Variants in HIPK3 observed in about 807,000 individuals in gnomAD.
HIPK3 encodes homeodomain-interacting protein kinase 3.
HIPK3 carries 47 observed loss-of-function variants against 124.2 expected under a neutral mutation model. The observed-to-expected ratio is 0.38, with a 90% CI of 0.30 to 0.48. The LOEUF is 0.48. Ranked by LOEUF, HIPK3 falls within the 20% of genes least tolerant of loss-of-function variation. The probability of loss-of-function intolerance (pLI) is 0.98; values close to 1 mark genes in which losing one functional copy is unlikely to be tolerated. For synonymous variants in HIPK3, 482 were observed against 515.2 expected (o/e 0.94, Z 0.87); for missense variants, 1,286 against 1,454.3 (o/e 0.88, Z 1.88).
intron 2 of HIPK3, among the ~76,000 whole-genome samples, chr11:33,288,824 C>T (rs1431138017): frequency 6.6e-6 from 1 of 151,898 alleles, no homozygotes; most frequent in African/African-American, 2.4e-5. Context: ...TTTGCTAAGC[C>T]CTACGAGGTC....
intron 13 of HIPK3, 53 bp downstream of exon 13, chr11:33,348,871 G>A: frequency 1.3e-6 from 2 of 1,505,404 alleles, no homozygotes; most frequent in South Asian, 1.3e-5. Flanking sequence ...CCTTTGGTGT[G>A]CCGAAAAACA....
chr11:33,348,732 C>T lies in HIPK3; in HGVS notation c.2580C>T (p.Ala860=), dbSNP rs149933512. Residue 860 remains alanine (A), a synonymous_variant, in exon 13 of 17, where the codon GCC becomes GCT. Coordinates refer to ENST00000303296, the MANE Select transcript of HIPK3 (RefSeq NM_005734.5). ...SDKQRQTIII[A]DSPSPAVSVI... is the part of the protein sequence containing the mutation. ...AACAGCGGCAAACCATCATTATTGCCGACTCCCCGAGTCCTGCAGTGAGTG... is the reference window on the plus strand; with the variant it reads ...AACAGCGGCAAACCATCATTATTGCTGACTCCCCGAGTCCTGCAGTGAGTG... 120 of 1,613,954 alleles carry T rather than the reference C, an allele frequency of 7.4e-5. No individual in the cohort carries two copies. Among genetic ancestry groups the T allele is most frequent in the Non-Finnish European group, 8.5e-5 (100 of 1,179,976 alleles).
intron 2 of HIPK3, among the ~76,000 whole-genome samples, chr11:33,289,995 C>T (rs984773549): frequency 2.6e-5 from 4 of 152,158 alleles, no homozygotes; most frequent in Admixed American, 2.6e-4. Flanking sequence ...TTGACAGGAT[C>T]TCATTCTTTG....
At chr11:33,266,208 T>G (rs1184734811) in intron 1 of HIPK3, among the ~76,000 whole-genome samples, 3 of 151,912 alleles carry the variant, frequency 2.0e-5, no homozygotes, top group Non-Finnish European at 2.9e-5. Flanking sequence ...AGCTGAATAC[T>G]GTAAATTTTC....
chr11:33,339,582 C>A, intron 6 of HIPK3, 48 bp downstream of exon 6: 1 of 1,331,142 alleles, frequency 7.5e-7, no homozygotes, highest in Non-Finnish European at 1.0e-6. Flanking sequence ...AAAAATAAGT[C>A]TGTAGAAAAT....
intron 1 of HIPK3, among the ~76,000 whole-genome samples, chr11:33,268,962 A>T (rs1851049614): frequency 6.6e-6 from 1 of 152,306 alleles, no homozygotes; most frequent in Non-Finnish European, 1.5e-5. Context: ...AAAATATGAA[A>T]TCGTATCTGA....
In HIPK3 at chr11:33,337,146, A is replaced by AT. The variant is rs761758734; in HGVS notation, c.1300dup (p.Cys434LeufsTer20). ...TAAATGTGGGTACTAAATCCACAAG[A>AT]TTTTTTTGCAAAGAAACAGATATGT... On this transcript the variant is annotated frameshift_variant, in exon 4 of 17. Coordinates refer to ENST00000303296, the MANE Select transcript of HIPK3 (RefSeq NM_005734.5). LOFTEE classifies it high-confidence loss of function. 6 of 1,578,322 alleles carry AT rather than the reference A, an allele frequency of 3.8e-6. No homozygotes were observed. The highest frequency in any genetic ancestry group is 2.2e-5 in the East Asian group (1 of 44,538).
chr11:33,348,007 A>T lies in HIPK3; in HGVS notation c.2300A>T (p.Gln767Leu), dbSNP rs143841994. 29 of 1,614,096 alleles carry T rather than the reference A, an allele frequency of 1.8e-5. No individual in the cohort carries two copies. The African/African-American group carries it at 3.5e-4, about 19-fold the overall frequency. ...PATTKKNKQC[Q>L]NRGILVKLME... ...ACTACCAAGAAAAATAAACAGTGCC[A>T]GAACAGGTTGGTATTGGTGCTTTAG... The change falls in exon 11 of 17, where the codon CAG becomes CTG. Residue 767 changes from glutamine (Q) to leucine (L), a missense_variant. This residue lies in a region of HIPK3 where 810 missense variants were observed against 864.9 expected (regional missense o/e 0.94). Transcript: ENST00000303296.
chr11:33,307,342 A>G (rs529633635), intron 2 of HIPK3, among the ~76,000 whole-genome samples: 148 of 151,962 alleles, frequency 9.7e-4, no homozygotes, highest in African/African-American at 3.5e-3. Context: ...ATATGAACAC[A>G]CTTATATAAC....
intron 15 of HIPK3, 52 bp from the exon 16 acceptor site, chr11:33,352,086 T>C: frequency 3.2e-6 from 5 of 1,544,442 alleles, no homozygotes; most frequent in Non-Finnish European, 4.4e-6. Flanking sequence ...TTGCTAATTT[T>C]TTATTTGAAA....
At chr11:33,297,345 T>G (rs956525126) in intron 2 of HIPK3, among the ~76,000 whole-genome samples, 2 of 152,172 alleles carry the variant, frequency 1.3e-5, no homozygotes, top group Non-Finnish European at 2.9e-5. Context: ...CCACCCAACT[T>G]GGCCTCCCAG....
rs141134668 is a variant in HIPK3 at position 33,351,997 on chromosome 11, T to C, written c.3044-141T>C. On this transcript the variant is annotated intron_variant, in intron 15 of 16. Coordinates refer to ENST00000303296, the MANE Select transcript of HIPK3 (RefSeq NM_005734.5). The stretch of plus-strand genomic sequence containing the variant: ...GAAATCTTCTAGTATTATCCAGTGC[T>C]TGGAAACCATGACCTCTCCTTTGAT... 2.7e-3 allele frequency: 2,762 copies of C among 1,027,292 alleles called. 43 individuals carry two copies. In the African/African-American group the frequency reaches 0.039, roughly 14 times the overall value. The allele number at this position is 1,027,292 out of a possible 1,614,324, so 63.6% of individuals were successfully genotyped here. A position where few individuals can be genotyped will look rare whatever the true frequency, so the allele number is the denominator to read the frequency against.
rs369151270 is a variant in HIPK3 at position 33,286,957 on chromosome 11, C to T, written c.543C>T (p.Asp181=). 6 of 1,613,992 alleles carry T rather than the reference C, an allele frequency of 3.7e-6. No homozygotes were observed. The highest frequency in any genetic ancestry group is 1.3e-5 in the African/African-American group (1 of 74,910). The change falls in exon 2 of 17, where the codon GAC becomes GAT. Residue 181 remains aspartate, a synonymous_variant. Transcript: ENST00000303296. The stretch of plus-strand genomic sequence containing the variant: ...AGAATTGTACCACTGGAGAAGGTGA[C>T]TATCAGTTAGTACAGCATGAAGTCT... ...SKQNCTTGEG[D]YQLVQHEVLC... is the part of the protein sequence containing the mutation.
intron 15 of HIPK3, 86 bp from the exon 16 acceptor site, chr11:33,352,052 T>G (rs1853677849): frequency 7.5e-7 from 1 of 1,333,482 alleles, no homozygotes; most frequent in South Asian, 1.3e-5. Flanking sequence ...CTCAAATCAC[T>G]ATTGTGTAAA....
chr11:33,281,841 C>T (rs1042754773), intron 1 of HIPK3, among the ~76,000 whole-genome samples: 8 of 151,950 alleles, frequency 5.3e-5, no homozygotes, highest in Admixed American at 2.0e-4. Context: ...CTGTTTAGTA[C>T]CTTTTGATGG....
chr11:33,292,646 T>C (rs1851728887), intron 2 of HIPK3, among the ~76,000 whole-genome samples: 1 of 152,350 alleles, frequency 6.6e-6, no homozygotes, highest in East Asian at 1.9e-4. Flanking sequence ...TTGTATATCA[T>C]AAAGTAGTTG....
intron 2 of HIPK3, among the ~76,000 whole-genome samples, chr11:33,305,091 G>C (rs2025012): frequency 0.66 from 99,786 of 151,148 alleles, 32,957 homozygotes; most frequent in Non-Finnish European, 0.71. Flanking sequence ...GCCTCTGCCC[G>C]CCGAGTTCAG....
intron 2 of HIPK3, among the ~76,000 whole-genome samples, chr11:33,318,504 G>GT (rs1196987579): frequency 8.5e-5 from 13 of 152,130 alleles, no homozygotes; most frequent in African/African-American, 3.1e-4. Context: ...CCCTTTGTCT[G>GT]TTTCTTCATC....
intron 2 of HIPK3, among the ~76,000 whole-genome samples, chr11:33,289,189 C>G (rs944252782): frequency 4.6e-5 from 7 of 152,072 alleles, no homozygotes; most frequent in African/African-American, 1.7e-4. Context: ...CTGACACCTG[C>G]AATCCCAGCA....
Sources: gnomAD v4.1 joint callset for allele counts (sites outside exome capture counted in the v4.1 genomes callset) on GRCh38, gnomAD v4.1.1 for gene constraint, gnomAD v4.1.1 regional missense constraint, MANE v1.5 for transcripts, NCBI Gene and HGNC (gene_info 2026-07-23, HGNC 2026-07-21) for gene names.